NSUN6: variants seen among roughly 807,000 people sequenced by gnomAD.
NSUN6 encodes the protein NOP2/Sun RNA methyltransferase 6, also known as tRNA (cytosine(72)-C(5))-methyltransferase NSUN6.
In NSUN6, 64 loss-of-function variants were observed where a neutral mutation model predicts 58.0. The observed-to-expected ratio is 1.10, with a 90% confidence interval of 0.90 to 1.36. The LOEUF (loss-of-function observed/expected upper bound fraction) is 1.36, where lower values mean the gene tolerates loss of function less well. Among genes scored for constraint, NSUN6 ranks in the 40% most tolerant of loss-of-function variants. The pLI is 0.00. For synonymous variants in NSUN6, 231 were observed against 193.9 expected, an observed-to-expected ratio of 1.19 and a Z score of -1.59; for missense variants, 701 against 550.1, an observed-to-expected ratio of 1.27 and a Z score of -2.74.
At chr10:18,555,559 G>C (rs1288052471) in intron 8 of NSUN6, among the ~76,000 whole-genome samples, 5 of 146,376 alleles carry the variant, frequency 3.4e-5, no homozygotes, top group Non-Finnish European at 7.7e-5. Flanking sequence ...ATGGAATAGA[G>C]AATGGAATGG....
intron 3 of NSUN6, among the ~76,000 whole-genome samples, chr10:18,632,662 C>T (rs1189639346): frequency 6.6e-6 from 1 of 152,158 alleles, no homozygotes; most frequent in Non-Finnish European, 1.5e-5. Flanking sequence ...AAAATGCTCA[C>T]CATCACTGGC....
At chr10:18,558,435 G>C (rs1404546473) in intron 8 of NSUN6, among the ~76,000 whole-genome samples, 2 of 150,674 alleles carry the variant, frequency 1.3e-5, no homozygotes, top group Non-Finnish European at 3.0e-5. Context: ...ATGGAATGGA[G>C]GATGGTGTGG....
intron 3 of NSUN6, among the ~76,000 whole-genome samples, chr10:18,624,100 C>G (rs2058703440): frequency 6.6e-6 from 1 of 151,820 alleles, no homozygotes; most frequent in South Asian, 2.1e-4. Context: ...AAAAATAATT[C>G]AAGTACCACT....
At chr10:18,594,301 TTTC>T (rs1433586807) in intron 7 of NSUN6, among the ~76,000 whole-genome samples, 2 of 152,190 alleles carry the variant, frequency 1.3e-5, no homozygotes, top group Non-Finnish European at 2.9e-5. Context: ...TTCTATATAT[TTTC>T]TTGCTTTGTT....
intron 3 of NSUN6, among the ~76,000 whole-genome samples, chr10:18,632,099 C>T (rs372805284): frequency 1.1e-4 from 17 of 149,130 alleles, no homozygotes; most frequent in South Asian, 2.1e-4. Context: ...GAAATAATGC[C>T]GCATATCTAC....
chr10:18,651,072 A>G, intron 1 of NSUN6, 57 bp downstream of exon 1: 1 of 1,567,740 alleles, frequency 6.4e-7, no homozygotes, highest in Admixed American at 2.2e-5. Context: ...ATTTCTCTCG[A>G]GTGTGCGAAT....
intron 8 of NSUN6, among the ~76,000 whole-genome samples, chr10:18,580,804 G>C (rs567423482): frequency 1.3e-5 from 2 of 152,332 alleles, no homozygotes; most frequent in East Asian, 1.9e-4. Context: ...AAGTGAACTT[G>C]CTAGCAGGAG....
In NSUN6 at chr10:18,583,929, C is replaced by G. The variant is rs7895775; in HGVS notation, c.922+2020G>C. Among the ~76,000 whole-genome samples, 3 of 152,014 alleles carry G rather than the reference C, an allele frequency of 2.0e-5. 1 individual carries two copies. On this transcript the variant is annotated intron_variant, in intron 8 of 10. Transcript: ENST00000377304. ...CCCTATTCCCCGTTTGTTTCCTACT[C>G]AGCCCTTCAGAAACGCAAATTTAAT... is the stretch of plus-strand genomic sequence containing the variant.
chr10:18,652,200 G>A (rs2059721621), upstream of NSUN6: 1 of 985,084 alleles, frequency 1.0e-6, no homozygotes. Flanking sequence ...TTTAGAGTTT[G>A]GAAGACCCTC....
At chr10:18,573,314 ATTC>A (rs1190629667) in intron 8 of NSUN6, among the ~76,000 whole-genome samples, 1 of 149,466 alleles carries the variant, frequency 6.7e-6, no homozygotes, top group Non-Finnish European at 1.5e-5. Flanking sequence ...ATTCCATTCC[ATTC>A]TCCATTCCAT....
At chr10:18,585,317 T>C (rs1002028084) in intron 8 of NSUN6, among the ~76,000 whole-genome samples, 2 of 152,148 alleles carry the variant, frequency 1.3e-5, no homozygotes, top group African/African-American at 4.8e-5. Context: ...ACTGGGTATA[T>C]AGACAAAGGA....
At chr10:18,596,023 G>C (rs1176495224) in intron 7 of NSUN6, among the ~76,000 whole-genome samples, 185 bp downstream of exon 7, 2 of 152,198 alleles carry the variant, frequency 1.3e-5, no homozygotes, top group Non-Finnish European at 2.9e-5. Flanking sequence ...AGACGGTCTT[G>C]AGACAGTCTT....
chr10:18,637,863 C>T (rs770134254), intron 3 of NSUN6, among the ~76,000 whole-genome samples: 13 of 152,098 alleles, frequency 8.5e-5, no homozygotes, highest in Non-Finnish European at 1.6e-4. Flanking sequence ...AAACAAATTG[C>T]AGAATATTAT....
chr10:18,616,048 C>A, intron 4 of NSUN6, 136 bp downstream of exon 4: 1 of 602,174 alleles, frequency 1.7e-6, no homozygotes, highest in Non-Finnish European at 2.9e-6. Context: ...GGATAAAACC[C>A]TAAATGCAAA....
At position 18,614,619 on chromosome 10, in the gene NSUN6, GA is replaced by G; in HGVS notation, c.422-7del. The G allele has an allele frequency of 7.5e-7, 1 of 1,340,482 alleles. No individual in the cohort carries two copies. The highest frequency in any genetic ancestry group is 1.0e-6 in the Non-Finnish European group (1 of 1,001,078). 83.0% of individuals were successfully genotyped at this position (1,340,482 alleles called of 1,614,324 possible). A position where few individuals can be genotyped will look rare whatever the true frequency, so the allele number is the denominator to read the frequency against. The stretch of plus-strand genomic sequence containing the variant: ...AACATCTCCAGCTTTCATAACTAGA[GA>G]AAGAAGAAAATCAGATTACACTGAT... On this transcript the variant is annotated splice_region_variant and splice_polypyrimidine_tract_variant and intron_variant, in intron 4 of 10. Coordinates refer to ENST00000377304, the MANE Select transcript of NSUN6 (RefSeq NM_182543.5).
chr10:18,617,963 A>C (rs1474777122), intron 3 of NSUN6, among the ~76,000 whole-genome samples: 1 of 152,146 alleles, frequency 6.6e-6, no homozygotes, highest in Non-Finnish European at 1.5e-5. Context: ...CCAACACTAC[A>C]AAAAACAAAT....
intron 8 of NSUN6, among the ~76,000 whole-genome samples, chr10:18,553,785 A>G (rs1400562546): frequency 2.0e-5 from 3 of 151,044 alleles, no homozygotes; most frequent in Non-Finnish European, 4.4e-5. Context: ...ATGGAATGGA[A>G]TAGAGAATGG....
chr10:18,580,340 T>G (rs2056849639), intron 8 of NSUN6, among the ~76,000 whole-genome samples: 1 of 152,152 alleles, frequency 6.6e-6, no homozygotes, highest in Non-Finnish European at 1.5e-5. Flanking sequence ...TAAGATCCAC[T>G]TCATGTGGGT....
chr10:18,600,967 T>C (rs1267934281), intron 6 of NSUN6, among the ~76,000 whole-genome samples: 2 of 112,236 alleles, frequency 1.8e-5, no homozygotes, highest in Non-Finnish European at 3.5e-5. Flanking sequence ...TATACATATA[T>C]ATATATATAT....
Sources: allele counts gnomAD v4.1 joint callset (sites outside exome capture counted in the v4.1 genomes callset), GRCh38; gene constraint gnomAD v4.1.1; transcripts MANE v1.5; gene names NCBI Gene and HGNC (gene_info 2026-07-23, HGNC 2026-07-21).